CSMD1: variants seen among roughly 807,000 people sequenced by gnomAD.
CSMD1 encodes the protein CUB and Sushi multiple domains 1, also known as CUB and sushi domain-containing protein 1.
A neutral mutation model predicts 417.5 loss-of-function variants in CSMD1; 213 were observed. The ratio of observed to expected loss-of-function variants is 0.51; its 90% CI spans 0.46 to 0.57. The LOEUF (loss-of-function observed/expected upper bound fraction) is 0.57. Ranked by LOEUF, CSMD1 falls within the 20% of genes least tolerant of loss-of-function variation. The pLI, the probability that CSMD1 is intolerant of heterozygous loss-of-function variation, is 0.00. For synonymous variants in CSMD1, 2,862 were observed against 1,736.8 expected (o/e 1.65, Z -16.11); for missense variants, 6,923 against 4,529.7 (o/e 1.53, Z -15.17).
chr8:4,854,772 G>A (rs555111070), intron 1 of CSMD1, among the ~76,000 whole-genome samples: 6 of 152,322 alleles, frequency 3.9e-5, no homozygotes, highest in Non-Finnish European at 8.8e-5. Flanking sequence ...TACACCCACA[G>A]AGTCTCGCTG....
At chr8:3,041,308 C>T (rs932268505) in intron 50 of CSMD1, among the ~76,000 whole-genome samples, 6 of 152,112 alleles carry the variant, frequency 3.9e-5, no homozygotes, top group African/African-American at 1.2e-4. Context: ...GTTTTCTTTA[C>T]AGCATTATAT....
At chr8:4,938,174 T>C (rs979844022) in intron 1 of CSMD1, among the ~76,000 whole-genome samples, 12 of 152,160 alleles carry the variant, frequency 7.9e-5, no homozygotes, top group African/African-American at 2.2e-4. Flanking sequence ...TGGGGAAATA[T>C]AGAAATAGTC....
chr8:4,393,872 A>ACACTCATGT, intron 3 of CSMD1, among the ~76,000 whole-genome samples: 1 of 152,216 alleles, frequency 6.6e-6, no homozygotes, highest in Non-Finnish European at 1.5e-5. Flanking sequence ...AGCACACGGA[A>ACACTCATGT]CAACCATGAG....
intron 4 of CSMD1, among the ~76,000 whole-genome samples, chr8:4,006,089 G>C (rs892671117): frequency 6.6e-6 from 1 of 152,188 alleles, no homozygotes; most frequent in Non-Finnish European, 1.5e-5. Context: ...CCCAACAGAT[G>C]CAACAGAAAG....
intron 25 of CSMD1, among the ~76,000 whole-genome samples, chr8:3,292,179 G>A (rs180970437): frequency 1.3e-5 from 2 of 152,306 alleles, no homozygotes; most frequent in Admixed American, 1.3e-4. Flanking sequence ...TGATTGCACT[G>A]TGGTCTGAGA....
At chr8:4,272,295 T>G (rs947846430) in intron 3 of CSMD1, among the ~76,000 whole-genome samples, 3 of 152,158 alleles carry the variant, frequency 2.0e-5, no homozygotes, top group African/African-American at 7.2e-5. Flanking sequence ...AGAAAAACAT[T>G]TTTTTCCTTG....
intron 50 of CSMD1, among the ~76,000 whole-genome samples, chr8:3,048,580 A>T (rs1211741735): frequency 6.6e-6 from 1 of 152,206 alleles, no homozygotes; most frequent in African/African-American, 2.4e-5. Flanking sequence ...CAGAAAAATT[A>T]ATCCATTATG....
intron 23 of CSMD1, among the ~76,000 whole-genome samples, chr8:3,331,355 C>G (rs904977187): frequency 1.3e-5 from 2 of 152,112 alleles, no homozygotes; most frequent in Admixed American, 1.3e-4. Flanking sequence ...TGATCAAAAT[C>G]CCACATAATT....
chr8:4,106,482 T>C (rs1801574601), intron 3 of CSMD1, among the ~76,000 whole-genome samples: 2 of 152,184 alleles, frequency 1.3e-5, no homozygotes, highest in Admixed American at 1.3e-4. Context: ...TGCATTGCTC[T>C]TGAGTAACCC....
At chr8:3,130,453 C>T (rs1453371988) in intron 41 of CSMD1, among the ~76,000 whole-genome samples, 2 of 152,156 alleles carry the variant, frequency 1.3e-5, no homozygotes, top group African/African-American at 2.4e-5. Flanking sequence ...CCCCAACCCC[C>T]ATCCACATAC....
At chr8:4,752,919 G>C (rs558600908) in intron 1 of CSMD1, among the ~76,000 whole-genome samples, 1 of 152,066 alleles carries the variant, frequency 6.6e-6, no homozygotes, top group Non-Finnish European at 1.5e-5. Context: ...GCTATTACAG[G>C]GCTTCCCAGT....
intron 2 of CSMD1, among the ~76,000 whole-genome samples, chr8:4,428,691 G>C (rs558571346): frequency 6.6e-6 from 1 of 151,770 alleles, no homozygotes; most frequent in East Asian, 1.9e-4. Context: ...AATAATCCAG[G>C]GTTCATTTTA....
intron 26 of CSMD1, among the ~76,000 whole-genome samples, chr8:3,273,970 C>A (rs1183819140): frequency 6.6e-6 from 1 of 151,444 alleles, no homozygotes; most frequent in Non-Finnish European, 1.5e-5. Flanking sequence ...CTTCTGCTAG[C>A]TTTTGAATGT....
chr8:4,830,742 A>G (rs1800102669), intron 1 of CSMD1, among the ~76,000 whole-genome samples: 1 of 152,218 alleles, frequency 6.6e-6, no homozygotes. Flanking sequence ...CTTAATTGGA[A>G]CCATTGGACT....
intron 1 of CSMD1, among the ~76,000 whole-genome samples, chr8:4,787,062 T>C (rs1314873035): frequency 6.6e-6 from 1 of 152,200 alleles, no homozygotes; most frequent in Non-Finnish European, 1.5e-5. Flanking sequence ...ACTGGTAATT[T>C]CTAATATTAG....
intron 12 of CSMD1, among the ~76,000 whole-genome samples, chr8:3,419,928 G>A (rs572776563): frequency 1.9e-4 from 29 of 151,752 alleles, no homozygotes; most frequent in African/African-American, 6.8e-4. Flanking sequence ...TCAATTATCT[G>A]TGTGACTTCC....
chr8:3,984,513 GTAA>G (rs1814157316), intron 5 of CSMD1, among the ~76,000 whole-genome samples: 1 of 151,676 alleles, frequency 6.6e-6, no homozygotes, highest in African/African-American at 2.4e-5. Context: ...GAATCCAGCA[GTAA>G]TAAGTACACT....
chr8:3,522,326 A>G (rs534114039), intron 10 of CSMD1, among the ~76,000 whole-genome samples: 5 of 152,344 alleles, frequency 3.3e-5, no homozygotes, highest in Non-Finnish European at 7.3e-5. Context: ...AGGAAATTGT[A>G]AAGGATATCT....
chr8:3,416,190 T>C (rs1813135913), intron 12 of CSMD1, among the ~76,000 whole-genome samples: 1 of 149,096 alleles, frequency 6.7e-6, no homozygotes, highest in Non-Finnish European at 1.5e-5. Flanking sequence ...AATTCCCAGC[T>C]ACTCGGGAGG....
Sources: allele counts gnomAD v4.1 joint callset (sites outside exome capture counted in the v4.1 genomes callset), GRCh38; gene constraint gnomAD v4.1.1; transcripts MANE v1.5; gene names NCBI Gene and HGNC (gene_info 2026-07-23, HGNC 2026-07-21).